RABGAP1L: variants seen among roughly 807,000 people sequenced by gnomAD.
The protein encoded by RABGAP1L is rab GTPase-activating protein 1-like.
In RABGAP1L, 63 loss-of-function variants were observed where a neutral mutation model predicts 137.7. The observed-to-expected ratio is 0.46, with a 90% CI of 0.37 to 0.56. The LOEUF is 0.56. RABGAP1L is among the 20% of genes least tolerant of loss of function. RABGAP1L has a pLI of 0.00. For synonymous variants in RABGAP1L, 431 were observed against 433.7 expected, an observed-to-expected ratio of 0.99 and a Z score of 0.08; for missense variants, 1,095 against 1,244.0, an observed-to-expected ratio of 0.88 and a Z score of 1.80.
intron 12 of RABGAP1L, among the ~76,000 whole-genome samples, chr1:174,375,795 T>A (rs548794649): frequency 6.6e-6 from 1 of 152,286 alleles, no homozygotes; most frequent in East Asian, 1.9e-4. Flanking sequence ...CTGGGCACAG[T>A]GGCTCATGCC....
chr1:174,515,727 G>A (rs1453379049), intron 13 of RABGAP1L, among the ~76,000 whole-genome samples: 1 of 152,096 alleles, frequency 6.6e-6, no homozygotes, highest in African/African-American at 2.4e-5. Context: ...ATATGGTATT[G>A]AAGTGCTCTC....
At chr1:174,791,594 C>T (rs1325761828) in intron 18 of RABGAP1L, among the ~76,000 whole-genome samples, 3 of 152,194 alleles carry the variant, frequency 2.0e-5, no homozygotes, top group Non-Finnish European at 2.9e-5. Flanking sequence ...AATTTAAAAA[C>T]AGGCTTCTGC....
At chr1:174,252,649 G>A in intron 7 of RABGAP1L, 59 bp downstream of exon 7, 1 of 1,570,438 alleles carries the variant, frequency 6.4e-7, no homozygotes, top group South Asian at 1.2e-5. Context: ...TACTGTCTCA[G>A]ATGCATTGCT....
intron 20 of RABGAP1L, 62 bp downstream of exon 20, chr1:174,957,611 C>A: frequency 7.1e-7 from 1 of 1,410,076 alleles, no homozygotes; most frequent in South Asian, 1.2e-5. Flanking sequence ...GAGACTGAGT[C>A]TTGCCGTGTT....
chr1:174,411,689 T>A (rs1017170873), intron 13 of RABGAP1L, among the ~76,000 whole-genome samples: 2 of 152,052 alleles, frequency 1.3e-5, no homozygotes, highest in African/African-American at 4.8e-5. Context: ...CTGACTCTGA[T>A]TTTATTTACT....
rs183513848 is a variant in RABGAP1L, at chr1:174,415,342, T to G, written c.1710+21197T>G. ...ACTTCAATTTTCTACATACAAACAT[T>G]TTTATTCCTAATAAGTGATGAACAG... On this transcript the variant is annotated intron_variant, in intron 13 of 25. Transcript: ENST00000681986. Among the ~76,000 whole-genome samples the G allele has an allele frequency of 2.0e-5, 3 of 152,216 alleles. No individual in the cohort carries two copies. In the East Asian group the frequency reaches 5.8e-4, roughly 29 times the overall value.
At chr1:174,507,671 T>G (rs1397689149) in intron 13 of RABGAP1L, among the ~76,000 whole-genome samples, 1 of 152,054 alleles carries the variant, frequency 6.6e-6, no homozygotes, top group Non-Finnish European at 1.5e-5. Context: ...ACTCTTTTGG[T>G]GATGGTAATA....
intron 17 of RABGAP1L, among the ~76,000 whole-genome samples, chr1:174,711,396 G>T (rs1043834341): frequency 2.0e-5 from 3 of 152,108 alleles, no homozygotes; most frequent in Non-Finnish European, 4.4e-5. Context: ...ACCTCTCAGA[G>T]GGAGAGGCGT....
chr1:174,734,888 T>G (rs540588166), intron 17 of RABGAP1L, among the ~76,000 whole-genome samples: 1 of 152,052 alleles, frequency 6.6e-6, no homozygotes, highest in African/African-American at 2.4e-5. Flanking sequence ...GTCACACTTA[T>G]GCTTATTTAG....
At chr1:174,948,997 C>T (rs1015272610) in intron 19 of RABGAP1L, 6 of 152,212 alleles carry the variant, frequency 3.9e-5, no homozygotes, top group African/African-American at 1.4e-4. Context: ...TAAAAATAGT[C>T]CTTCCTGACT....
At chr1:174,827,270 A>G (rs1691661171) in intron 19 of RABGAP1L, among the ~76,000 whole-genome samples, 1 of 152,036 alleles carries the variant, frequency 6.6e-6, no homozygotes, top group African/African-American at 2.4e-5. Context: ...TTAGCCTCCT[A>G]CTGAGTAGCA....
intron 10 of RABGAP1L, among the ~76,000 whole-genome samples, chr1:174,287,972 T>C (rs1256920767): frequency 2.0e-5 from 3 of 152,174 alleles, no homozygotes; most frequent in Non-Finnish European, 4.4e-5. Context: ...TATTTCTTTC[T>C]ATTAATCTTT....
chr1:174,755,356 A>T (rs891329557), intron 18 of RABGAP1L, among the ~76,000 whole-genome samples: 2 of 152,320 alleles, frequency 1.3e-5, no homozygotes, highest in Middle Eastern at 3.4e-3. Flanking sequence ...CTTATATGAA[A>T]CATTAGGTAG....
chr1:174,696,435 TGTATGTACCCCA>T (rs1158066525), intron 15 of RABGAP1L, among the ~76,000 whole-genome samples: 4 of 152,148 alleles, frequency 2.6e-5, no homozygotes, highest in African/African-American at 9.7e-5. Flanking sequence ...TTCACTGGAT[TGTATGTACCCCA>T]AGTCCACTGG....
chr1:174,505,442 C>G (rs1190902997), intron 13 of RABGAP1L, among the ~76,000 whole-genome samples: 2 of 151,112 alleles, frequency 1.3e-5, no homozygotes, highest in Non-Finnish European at 2.9e-5. Context: ...TAAAATCTAG[C>G]AAACACATGG....
intron 13 of RABGAP1L, among the ~76,000 whole-genome samples, chr1:174,627,407 T>TG (rs1673006951): frequency 6.6e-6 from 1 of 152,238 alleles, no homozygotes; most frequent in Non-Finnish European, 1.5e-5. Context: ...AAGTAAGTGA[T>TG]GATTCTCTTT....
chr1:174,723,264 AG>A (rs1416670653), intron 17 of RABGAP1L, among the ~76,000 whole-genome samples: 1 of 151,876 alleles, frequency 6.6e-6, no homozygotes, highest in Non-Finnish European at 1.5e-5. Flanking sequence ...TAGTAGAAAC[AG>A]GGTTTCACCA....
At chr1:174,498,440 T>C (rs1387979072) in intron 13 of RABGAP1L, among the ~76,000 whole-genome samples, 1 of 152,168 alleles carries the variant, frequency 6.6e-6, no homozygotes, top group Non-Finnish European at 1.5e-5. Context: ...ATTGAACTTA[T>C]GGATATGGGA....
At chr1:174,556,547 G>A (rs1666895180) in intron 13 of RABGAP1L, among the ~76,000 whole-genome samples, 1 of 152,150 alleles carries the variant, frequency 6.6e-6, no homozygotes, top group Admixed American at 6.5e-5. Flanking sequence ...TGTACTGGTG[G>A]CAAAAGCTTG....
Sources: allele counts gnomAD v4.1 joint callset (sites outside exome capture counted in the v4.1 genomes callset), GRCh38; gene constraint gnomAD v4.1.1; transcripts MANE v1.5; gene names NCBI Gene and HGNC (gene_info 2026-07-23, HGNC 2026-07-21).